DPY19L1: variants seen among roughly 807,000 people sequenced by gnomAD.
DPY19L1 encodes the protein protein C-mannosyl-transferase DPY19L1.
A neutral mutation model predicts 96.9 loss-of-function variants in DPY19L1; 35 were observed. The ratio of observed to expected loss-of-function variants is 0.36; its 90% CI spans 0.28 to 0.48. The LOEUF is 0.48. DPY19L1 is among the 20% of genes least tolerant of loss of function. DPY19L1 has a pLI of 0.99. For synonymous variants in DPY19L1, 205 were observed against 252.6 expected, an observed-to-expected ratio of 0.81 and a Z score of 1.79; for missense variants, 521 against 777.9, an observed-to-expected ratio of 0.67 and a Z score of 3.93.
Position 35,037,090 on chromosome 7 carries a change from T to A in DPY19L1, c.298+7A>T. ...GTCCCGGCGGCGCCGGCGCTAGGGCTGCTCACCTAACAGGAGCGTGGTCCA... is the reference window on the plus strand; with the variant it reads ...GTCCCGGCGGCGCCGGCGCTAGGGCAGCTCACCTAACAGGAGCGTGGTCCA... On this transcript the variant is annotated splice_region_variant and intron_variant, in intron 1 of 21. Transcript: ENST00000638088. 1 of 207,460 alleles carries A rather than the reference T, an allele frequency of 4.8e-6. No homozygotes were observed. Among genetic ancestry groups the A allele is most frequent in the South Asian group, 1.8e-4 (1 of 5,570 alleles). The allele number at this position is 207,460 out of a possible 1,614,324, so 12.9% of individuals were successfully genotyped here.
intron 1 of DPY19L1, among the ~76,000 whole-genome samples, chr7:35,019,491 G>GGAAGAAGAAGGAAAAAGAAA (rs1785939877): frequency 6.7e-6 from 1 of 149,892 alleles, no homozygotes; most frequent in Non-Finnish European, 1.5e-5. Context: ...AGAAGTAGGA[G>GGAAGAAGAAGGAAAAAGAAA]GAAGAAGAAG....
intron 10 of DPY19L1, among the ~76,000 whole-genome samples, chr7:34,960,688 T>C (rs1410012037): frequency 6.6e-6 from 1 of 152,134 alleles, no homozygotes; most frequent in African/African-American, 2.4e-5. Flanking sequence ...TTAATGGAAA[T>C]AGGAAATTGT....
intron 1 of DPY19L1, among the ~76,000 whole-genome samples, chr7:35,032,892 C>T (rs933685995): frequency 6.6e-6 from 1 of 152,138 alleles, no homozygotes; most frequent in African/African-American, 2.4e-5. Flanking sequence ...ACCAATTTCT[C>T]TCCATCTCCA....
intron 10 of DPY19L1, among the ~76,000 whole-genome samples, chr7:34,961,232 C>A (rs1017956936): frequency 4.6e-5 from 7 of 152,088 alleles, no homozygotes; most frequent in African/African-American, 1.7e-4. Flanking sequence ...ACTGACACTA[C>A]CCCACTTCAA....
At chr7:34,993,581 T>C (rs1785218978) in intron 6 of DPY19L1, among the ~76,000 whole-genome samples, 1 of 152,118 alleles carries the variant, frequency 6.6e-6, no homozygotes, top group Non-Finnish European at 1.5e-5. Flanking sequence ...TTCTTACATA[T>C]AACATCTGAA....
At chr7:35,035,591 TCA>T (rs916717059) in intron 1 of DPY19L1, among the ~76,000 whole-genome samples, 59 of 152,358 alleles carry the variant, frequency 3.9e-4, no homozygotes, top group African/African-American at 1.3e-3. Flanking sequence ...CAAATCAGCA[TCA>T]CACACTTTCT....
chr7:34,947,775 A>C, intron 14 of DPY19L1, 74 bp from the exon 15 acceptor site: 2 of 1,221,754 alleles, frequency 1.6e-6, no homozygotes, highest in Non-Finnish European at 2.4e-6. Context: ...ATAATGAAAT[A>C]GGTAAATTTC....
At chr7:35,006,902 C>T (rs570307365) in intron 6 of DPY19L1, among the ~76,000 whole-genome samples, 1 of 152,176 alleles carries the variant, frequency 6.6e-6, no homozygotes. Context: ...AATCTGCCTG[C>T]AAATTTCTAA....
intron 13 of DPY19L1, among the ~76,000 whole-genome samples, chr7:34,951,753 A>G (rs1365521771): frequency 2.0e-5 from 3 of 151,968 alleles, no homozygotes; most frequent in Non-Finnish European, 4.4e-5. Flanking sequence ...CTTTAAAAAT[A>G]TTAAAACAAT....
chr7:34,961,322 C>G (rs1637678), intron 10 of DPY19L1, among the ~76,000 whole-genome samples: 1 of 151,958 alleles, frequency 6.6e-6, no homozygotes, highest in Non-Finnish European at 1.5e-5. Flanking sequence ...GAACAAAATA[C>G]AGAGCCCAGA....
At chr7:34,983,410 T>C (rs548549093) in intron 7 of DPY19L1, among the ~76,000 whole-genome samples, 9 of 151,588 alleles carry the variant, frequency 5.9e-5, no homozygotes, top group Middle Eastern at 3.4e-3. Flanking sequence ...AAAATATTAG[T>C]GAGATGAAGA....
At chr7:35,013,536 G>C (rs1352082998) in intron 4 of DPY19L1, 32 bp downstream of exon 4, 3 of 1,595,242 alleles carry the variant, frequency 1.9e-6, no homozygotes, top group Admixed American at 1.7e-5. Context: ...TTTTACAAAA[G>C]TGAAAAATCA....
chr7:35,008,725 C>T (rs1279189708), intron 6 of DPY19L1, among the ~76,000 whole-genome samples: 3 of 152,104 alleles, frequency 2.0e-5, no homozygotes, highest in Non-Finnish European at 4.4e-5. Context: ...AAAAGGGTAG[C>T]ATAAGTGCAG....
intron 21 of DPY19L1, among the ~76,000 whole-genome samples, chr7:34,932,262 C>T (rs1783768973): frequency 6.6e-6 from 1 of 152,146 alleles, no homozygotes. Context: ...GGGGTATGTT[C>T]CAATAAACCC....
rs1320997013 is a variant in DPY19L1 at position 34,929,664 on chromosome 7, A to G, written c.*1909T>C. The stretch of plus-strand genomic sequence containing the variant: ...CAACAATCACAGATAAGCAGCGCGC[A>G]CCTCCCTCTCCCTGCTCATGTCAAC... On this transcript the variant is annotated 3_prime_UTR_variant, in exon 22 of 22. Coordinates refer to ENST00000638088, the MANE Select transcript of DPY19L1 (RefSeq NM_001366673.1). 6.6e-6 allele frequency: 1 copy of G among 151,578 alleles called. No individual in the cohort carries two copies. Among genetic ancestry groups the G allele is most frequent in the Non-Finnish European group, 1.5e-5 (1 of 67,930 alleles). The allele number at this position is 151,578 out of a possible 1,614,324, so 9.4% of individuals were successfully genotyped here. A position where few individuals can be genotyped will look rare whatever the true frequency, so the allele number is the denominator to read the frequency against.
chr7:34,979,876 T>C (rs1280936617), intron 7 of DPY19L1, among the ~76,000 whole-genome samples: 3 of 152,070 alleles, frequency 2.0e-5, no homozygotes. Flanking sequence ...CAGCAAGTTG[T>C]GTATGTGTTG....
chr7:34,976,309 G>A (rs1414172199), intron 7 of DPY19L1, among the ~76,000 whole-genome samples: 1 of 152,212 alleles, frequency 6.6e-6, no homozygotes, highest in Non-Finnish European at 1.5e-5. Flanking sequence ...AGTAACTGCA[G>A]ATGTGATGGA....
At chr7:34,988,624 T>C (rs1054004625) in intron 7 of DPY19L1, among the ~76,000 whole-genome samples, 2 of 152,098 alleles carry the variant, frequency 1.3e-5, no homozygotes, top group Non-Finnish European at 2.9e-5. Context: ...ATTACTGTTA[T>C]AGCACATGTT....
intron 21 of DPY19L1, among the ~76,000 whole-genome samples, chr7:34,933,601 G>A (rs1459916466): frequency 6.6e-6 from 1 of 152,176 alleles, no homozygotes; most frequent in Admixed American, 6.6e-5. Context: ...AATCTGTGTG[G>A]GTACCATCTA....
Sources: gnomAD v4.1 joint callset for allele counts (sites outside exome capture counted in the v4.1 genomes callset) on GRCh38, gnomAD v4.1.1 for gene constraint, MANE v1.5 for transcripts, NCBI Gene and HGNC (gene_info 2026-07-23, HGNC 2026-07-21) for gene names.